PHEX: variants seen among roughly 807,000 people sequenced by gnomAD.
PHEX encodes the protein phosphate-regulating neutral endopeptidase PHEX.
Under a neutral mutation model 68.0 loss-of-function variants are expected in PHEX, and 16 were observed. The observed-to-expected ratio is 0.24, with a 90% CI of 0.16 to 0.36. The LOEUF (loss-of-function observed/expected upper bound fraction) is 0.36. PHEX is among the 10% of genes least tolerant of loss of function. The pLI is 1.00. For missense variants in PHEX, 480 were observed against 575.5 expected, an observed-to-expected ratio of 0.83 and a Z score of 1.70; for synonymous variants, 208 against 205.1, an observed-to-expected ratio of 1.01 and a Z score of -0.12.
At chrX:22,174,341 C>T (rs187001558) in intron 13 of PHEX, among the ~76,000 whole-genome samples, 24 of 111,801 alleles carry the variant, frequency 2.1e-4, no homozygotes, top group Non-Finnish European at 2.3e-4. Context: ...AATATTCATG[C>T]GAATTCATTC....
At chrX:22,174,157 A>G (rs147294033) in intron 13 of PHEX, among the ~76,000 whole-genome samples, 5,959 of 111,756 alleles carry the variant, frequency 0.053, 138 homozygotes, top group Middle Eastern at 0.092. Flanking sequence ...AAGAATCCCA[A>G]TTAATTCCCC....
intron 15 of PHEX, among the ~76,000 whole-genome samples, chrX:22,198,846 G>A (rs928532060): frequency 9.0e-6 from 1 of 111,717 alleles, no homozygotes; most frequent in African/African-American, 3.3e-5. Context: ...CCAAGACTGG[G>A]TAATTTATAA....
At position 22,249,455 on chromosome X, in the gene PHEX, A is replaced by AAAAATATATATATATATATATATAT; in HGVS notation, c.*1503_*1504insAAATATATATATATATATATATATA. 2.5e-5 allele frequency: 1 copy of AAAAATATATATATATATATATATAT among 39,764 alleles called. No individual in the cohort carries two copies. Among genetic ancestry groups the AAAAATATATATATATATATATATAT allele is most frequent in the African/African-American group, 1.7e-4 (1 of 6,007 alleles). 3.3% of individuals were successfully genotyped at this position (39,764 alleles called of 1,213,427 possible). Reference sequence around the variant, plus strand: ...TTGTGATTCTTTTAAAAAAAAAAAAAATATATATATATATATATATATATA... The same window carrying AAAAATATATATATATATATATATAT: ...TTGTGATTCTTTTAAAAAAAAAAAAAAAAATATATATATATATATATATATATATATATATATATATATATATATA... On this transcript the variant is annotated 3_prime_UTR_variant, in exon 22 of 22. Transcript: ENST00000379374.
intron 11 of PHEX, among the ~76,000 whole-genome samples, chrX:22,125,896 T>A (rs1931697416): frequency 8.9e-6 from 1 of 111,748 alleles, no homozygotes; most frequent in South Asian, 3.7e-4. Context: ...CCATATTTTC[T>A]ATGAGTGAGT....
At chrX:22,244,705 C>T (rs1936340718) in intron 20 of PHEX, among the ~76,000 whole-genome samples, 1 of 112,106 alleles carries the variant, frequency 8.9e-6, no homozygotes, top group African/African-American at 3.2e-5. Flanking sequence ...GATATGTGCA[C>T]TGGCCGTTAG....
intron 11 of PHEX, among the ~76,000 whole-genome samples, chrX:22,131,551 GT>G (rs1235220352): frequency 1.8e-5 from 2 of 112,968 alleles, no homozygotes; most frequent in East Asian, 5.5e-4. Context: ...TCTGCTGTTT[GT>G]TCTTATTTAC....
At chrX:22,095,617 G>A (rs1241775088) in intron 7 of PHEX, among the ~76,000 whole-genome samples, 1 of 111,925 alleles carries the variant, frequency 8.9e-6, no homozygotes, top group Non-Finnish European at 1.9e-5. Context: ...GATTCACACC[G>A]AGCCAGGAGG....
chrX:22,226,062 GAGA>G (rs762627197), intron 18 of PHEX, among the ~76,000 whole-genome samples: 232 of 112,151 alleles, frequency 2.1e-3, no homozygotes, highest in African/African-American at 6.8e-3. Flanking sequence ...CAGGCACAAT[GAGA>G]AGAATACTCA....
chrX:22,048,480 GCA>G (rs772688428), intron 3 of PHEX, among the ~76,000 whole-genome samples: 32 of 109,892 alleles, frequency 2.9e-4, no homozygotes, highest in East Asian at 8.5e-4. Context: ...ACACACATGT[GCA>G]CACACACACA....
At chrX:22,100,042 C>T (rs184002521) in intron 9 of PHEX, among the ~76,000 whole-genome samples, 1 of 112,448 alleles carries the variant, frequency 8.9e-6, no homozygotes, top group African/African-American at 3.2e-5. Flanking sequence ...TCTGTGTTCA[C>T]TGAGGAAAAC....
chrX:22,125,546 T>G (rs778393862), intron 11 of PHEX, among the ~76,000 whole-genome samples: 1 of 111,456 alleles, frequency 9.0e-6, no homozygotes, highest in Non-Finnish European at 1.9e-5. Context: ...GTACTATATT[T>G]TTAAACCATT....
chrX:22,205,122 T>C (rs1285937875), intron 15 of PHEX, among the ~76,000 whole-genome samples: 6 of 112,274 alleles, frequency 5.3e-5, no homozygotes, highest in African/African-American at 1.9e-4. Flanking sequence ...AAAACCCAAG[T>C]ATATTTCTGG....
intron 3 of PHEX, among the ~76,000 whole-genome samples, chrX:22,073,457 A>G (rs1928995480): frequency 9.0e-6 from 1 of 111,166 alleles, no homozygotes; most frequent in South Asian, 3.7e-4. Context: ...ACTGGAACCC[A>G]TGTCTGTGTG....
chrX:22,119,743 C>G (rs1207916549), intron 11 of PHEX, among the ~76,000 whole-genome samples: 2 of 109,042 alleles, frequency 1.8e-5, no homozygotes, highest in African/African-American at 6.7e-5. Context: ...CAGGTGTGCA[C>G]CACCAGGCCC....
intron 3 of PHEX, among the ~76,000 whole-genome samples, chrX:22,053,440 G>A (rs1459286712): frequency 9.0e-6 from 1 of 111,580 alleles, no homozygotes; most frequent in African/African-American, 3.3e-5. Context: ...TCTTTAAATG[G>A]CATATAAGAC....
At chrX:22,233,860 G>A (rs1348017455) in intron 20 of PHEX, among the ~76,000 whole-genome samples, 3 of 111,871 alleles carry the variant, frequency 2.7e-5, no homozygotes, top group African/African-American at 9.7e-5. Context: ...CCTTGCTGGC[G>A]AGGTGTTGTG....
At chrX:22,080,621 G>A (rs1929346829) in intron 5 of PHEX, among the ~76,000 whole-genome samples, 1 of 111,106 alleles carries the variant, frequency 9.0e-6, no homozygotes, top group African/African-American at 3.3e-5. Context: ...TTTAAAAATA[G>A]TTAAAACTAT....
At chrX:22,162,318 C>T (rs1201212811) in intron 12 of PHEX, among the ~76,000 whole-genome samples, 1 of 112,389 alleles carries the variant, frequency 8.9e-6, no homozygotes, top group African/African-American at 3.2e-5. Context: ...TAGCTTTTCT[C>T]CCTAAGCATT....
At chrX:22,129,632 C>G (rs1000726315) in intron 11 of PHEX, among the ~76,000 whole-genome samples, 1 of 111,494 alleles carries the variant, frequency 9.0e-6, no homozygotes, top group Non-Finnish European at 1.9e-5. Context: ...CATATAGTCT[C>G]TGGATCCCAT....
Sources: gnomAD v4.1 joint callset for allele counts (sites outside exome capture counted in the v4.1 genomes callset) on GRCh38, gnomAD v4.1.1 for gene constraint, MANE v1.5 for transcripts, NCBI Gene and HGNC (gene_info 2026-07-23, HGNC 2026-07-21) for gene names.